TSGA10: variants seen among roughly 807,000 people sequenced by gnomAD.
TSGA10 encodes testis specific 10.
Under a neutral mutation model 96.6 loss-of-function variants are expected in TSGA10, and 43 were observed. The ratio of observed to expected loss-of-function variants is 0.44; its 90% confidence interval spans 0.35 to 0.57. The LOEUF (loss-of-function observed/expected upper bound fraction) is 0.57, where lower values mean the gene tolerates loss of function less well. Ranked by LOEUF, TSGA10 falls within the 20% of genes least tolerant of loss-of-function variation. The probability of loss-of-function intolerance (pLI) is 0.01; values close to 1 mark genes in which losing one functional copy is unlikely to be tolerated. For missense variants in TSGA10, 703 were observed against 834.4 expected (o/e 0.84, Z 1.94); for synonymous variants, 229 against 269.9 (o/e 0.85, Z 1.48).
At chr2:99,025,389 C>T (rs1305973247) in intron 17 of TSGA10, among the ~76,000 whole-genome samples, 2 of 152,146 alleles carry the variant, frequency 1.3e-5, no homozygotes, top group South Asian at 2.1e-4. Flanking sequence ...TTGATTTCAT[C>T]TAAGCATTTA....
intron 20 of TSGA10, among the ~76,000 whole-genome samples, chr2:99,010,740 C>T (rs1318428277): frequency 6.6e-6 from 1 of 152,166 alleles, no homozygotes; most frequent in African/African-American, 2.4e-5. Context: ...TTTTCTTGAG[C>T]AGAGTCCAGG....
intron 7 of TSGA10, among the ~76,000 whole-genome samples, chr2:99,108,376 T>C (rs1332116463): frequency 6.6e-6 from 1 of 152,150 alleles, no homozygotes; most frequent in African/African-American, 2.4e-5. Context: ...AGAAGGTATT[T>C]GATTAATAAA....
intron 7 of TSGA10, among the ~76,000 whole-genome samples, chr2:99,107,197 T>C (rs1447598985): frequency 6.6e-6 from 1 of 152,214 alleles, no homozygotes; most frequent in Non-Finnish European, 1.5e-5. Flanking sequence ...CAAATCTTCC[T>C]TCACAGGGTC....
Position 99,154,878 on chromosome 2 carries a change from G to C in TSGA10, c.-806C>G. On this transcript the variant is annotated 5_prime_UTR_variant, in exon 1 of 21. Coordinates refer to ENST00000393483, the MANE Select transcript of TSGA10 (RefSeq NM_025244.4). Reference sequence around the variant, plus strand: ...CTGCCGGGACCCCACGGCTCCGCAGGCGGAGAGACTAGGCGCGATCCCTGC... The same window carrying C: ...CTGCCGGGACCCCACGGCTCCGCAGCCGGAGAGACTAGGCGCGATCCCTGC... The C allele has an allele frequency of 1.1e-5, 4 of 365,782 alleles. No homozygotes were observed. Among genetic ancestry groups the C allele is most frequent in the Non-Finnish European group, 2.2e-5 (4 of 182,724 alleles). The allele number at this position is 365,782 out of a possible 1,614,324, so 22.7% of individuals were successfully genotyped here. A position where few individuals can be genotyped will look rare whatever the true frequency, so the allele number is the denominator to read the frequency against.
chr2:99,063,859 G>A (rs188446956), intron 16 of TSGA10, among the ~76,000 whole-genome samples: 5 of 152,012 alleles, frequency 3.3e-5, no homozygotes, highest in African/African-American at 1.2e-4. Context: ...AATGGCCAAA[G>A]TTTACAAAAA....
At chr2:99,072,606 A>G (rs1361275206) in intron 13 of TSGA10, among the ~76,000 whole-genome samples, 1 of 152,160 alleles carries the variant, frequency 6.6e-6, no homozygotes, top group African/African-American at 2.4e-5. Context: ...TCTTTCTAAC[A>G]CAAAATTCTC....
intron 16 of TSGA10, among the ~76,000 whole-genome samples, chr2:99,035,800 T>C (rs547714131): frequency 9.2e-5 from 14 of 152,226 alleles, no homozygotes; most frequent in African/African-American, 2.4e-4. Flanking sequence ...ATAATACAAA[T>C]GCTATTGTTG....
In TSGA10 at chr2:99,052,565, C is replaced by G. The variant is rs1302565844; in HGVS notation, c.1404+12374G>C. 2.0e-5 allele frequency among the ~76,000 whole-genome samples: 3 copies of G among 151,660 alleles called. No homozygotes were observed. The South Asian group carries it at 6.2e-4, about 31-fold the overall frequency. ...CATCCTGGCTAACACGGTGAAACCCCGTCTCTACTAAAAATACAAAAAATT... is the reference window on the plus strand; with the variant it reads ...CATCCTGGCTAACACGGTGAAACCCGGTCTCTACTAAAAATACAAAAAATT... On this transcript the variant is annotated intron_variant, in intron 16 of 20. Transcript: ENST00000393483.
At chr2:99,046,432 T>C (rs2082781606) in intron 16 of TSGA10, among the ~76,000 whole-genome samples, 1 of 151,970 alleles carries the variant, frequency 6.6e-6, no homozygotes, top group African/African-American at 2.4e-5. Flanking sequence ...TCAAAACCAC[T>C]CAACTACATG....
intron 20 of TSGA10, among the ~76,000 whole-genome samples, chr2:99,017,416 A>G (rs537433938): frequency 5.5e-4 from 84 of 152,312 alleles, no homozygotes; most frequent in Non-Finnish European, 9.7e-4. Flanking sequence ...GGAAAACCAA[A>G]TATCATATGT....
intron 1 of TSGA10, among the ~76,000 whole-genome samples, chr2:99,134,038 T>C (rs1175511875): frequency 6.6e-6 from 1 of 152,218 alleles, no homozygotes; most frequent in Non-Finnish European, 1.5e-5. Context: ...ATTTCAGCCT[T>C]GGTGAATCTG....
chr2:99,094,292 TAAAAATTATA>T (rs2089742655), intron 10 of TSGA10, among the ~76,000 whole-genome samples: 1 of 152,068 alleles, frequency 6.6e-6, no homozygotes, highest in Non-Finnish European at 1.5e-5. Context: ...CCTGAAACCA[TAAAAATTATA>T]GAAGATAACA....
chr2:99,118,444 C>G (rs953866209), intron 3 of TSGA10, 107 bp downstream of exon 3: 10 of 318,190 alleles, frequency 3.1e-5, no homozygotes, highest in South Asian at 1.4e-4. Flanking sequence ...CAGCAAGACT[C>G]TATCTCAAAA....
At chr2:99,055,922 G>A (rs1468700882) in intron 16 of TSGA10, among the ~76,000 whole-genome samples, 3 of 151,054 alleles carry the variant, frequency 2.0e-5, no homozygotes, top group Non-Finnish European at 2.9e-5. Flanking sequence ...AACAATAGTC[G>A]GCCAGGCGCG....
chr2:99,103,954 T>C lies in TSGA10; in HGVS notation c.611+13A>G. On this transcript the variant is annotated intron_variant, in intron 10 of 20. Transcript: ENST00000393483. ...TAGTAAACTGTTGGTTGTTTAAAGG[T>C]GATTTAGTTTACCTCAAAGAATTAT... The C allele has an allele frequency of 6.2e-7, 1 of 1,612,994 alleles. No homozygotes were observed. Among genetic ancestry groups the C allele is most frequent in the South Asian group, 1.1e-5 (1 of 90,958 alleles).
intron 10 of TSGA10, among the ~76,000 whole-genome samples, chr2:99,103,160 G>A (rs956806111): frequency 2.0e-5 from 3 of 151,600 alleles, no homozygotes; most frequent in African/African-American, 7.3e-5. Context: ...TAATAGGAGT[G>A]TGAACTACTA....
At chr2:99,105,899 T>C (rs2091291340) in intron 7 of TSGA10, among the ~76,000 whole-genome samples, 1 of 152,224 alleles carries the variant, frequency 6.6e-6, no homozygotes, top group Non-Finnish European at 1.5e-5. Flanking sequence ...TACAACATCT[T>C]TGCCAAAAGT....
Position 99,081,357 on chromosome 2 carries a change from G to C in TSGA10, c.652C>G (p.Gln218Glu). Residue 218 changes from glutamine to glutamate, a missense_variant, in exon 11 of 21, where the codon CAG becomes GAG. By Grantham distance (29) the Gln-to-Glu change is conservative. Coordinates refer to ENST00000393483, the MANE Select transcript of TSGA10 (RefSeq NM_025244.4). ...TATTTTTTCTTAGCAAGGTGTCGCT[G>C]AGTATCAGAAAGATCTTTTTCTGTG... ...ENTEKDLSDT[Q>E]RHLAKKKYEL... 1.3e-5 allele frequency: 20 copies of C among 1,593,122 alleles called. No individual in the cohort carries two copies. The highest frequency in any genetic ancestry group is 1.7e-5 in the Non-Finnish European group (20 of 1,169,780).
intron 1 of TSGA10, among the ~76,000 whole-genome samples, chr2:99,152,306 T>A (rs79079349): frequency 2.6e-5 from 4 of 152,258 alleles, no homozygotes; most frequent in African/African-American, 9.6e-5. Flanking sequence ...TGATTTTTTT[T>A]AAGATGGTCT....
Sources: allele counts gnomAD v4.1 joint callset (sites outside exome capture counted in the v4.1 genomes callset), GRCh38; gene constraint gnomAD v4.1.1; transcripts MANE v1.5; gene names NCBI Gene and HGNC (gene_info 2026-07-23, HGNC 2026-07-21).